The following KHDC1 variants were observed in gnomAD, a reference collection of about 807,000 sequenced individuals.
KHDC1 encodes the protein KH domain containing 1.
Under a neutral mutation model 24.7 loss-of-function variants are expected in KHDC1, and 21 were observed. That is an observed-to-expected ratio of 0.85 (90% CI 0.60 to 1.23). The LOEUF (loss-of-function observed/expected upper bound fraction) is 1.23. KHDC1 is among the 50% of genes most tolerant of loss of function. The pLI, the probability that KHDC1 is intolerant of heterozygous loss-of-function variation, is 0.00. For synonymous variants in KHDC1, 98 were observed against 111.7 expected, an observed-to-expected ratio of 0.88 and a Z score of 0.77; for missense variants, 274 against 298.5, an observed-to-expected ratio of 0.92 and a Z score of 0.61.
intron 2 of KHDC1, among the ~76,000 whole-genome samples, chr6:73,267,478 A>G (rs545546333): frequency 6.6e-5 from 10 of 152,280 alleles, no homozygotes; most frequent in Non-Finnish European, 1.3e-4. Flanking sequence ...GGAAGACTCC[A>G]TCTCAAAAAA....
chr6:73,263,615 G>T (rs990494270), intron 2 of KHDC1, among the ~76,000 whole-genome samples: 5 of 151,118 alleles, frequency 3.3e-5, no homozygotes, highest in East Asian at 2.0e-4. Flanking sequence ...TCGCGGTGGG[G>T]GGGGGGGTGA....
chr6:73,291,372 A>T (rs776855175), intron 2 of KHDC1: 29 of 201,522 alleles, frequency 1.4e-4, no homozygotes, highest in Non-Finnish European at 2.2e-4. Context: ...TGTTTAAGTA[A>T]CATCTGGTAG....
intron 1 of KHDC1, among the ~76,000 whole-genome samples, chr6:73,302,996 G>C (rs1373680662): frequency 6.6e-6 from 1 of 152,200 alleles, no homozygotes; most frequent in Admixed American, 6.5e-5. Flanking sequence ...AGAATTGCTT[G>C]AACCCAAGAG....
At chr6:73,245,951 GT>G (rs1164326877) in intron 2 of KHDC1, among the ~76,000 whole-genome samples, 1 of 152,160 alleles carries the variant, frequency 6.6e-6, no homozygotes, top group Non-Finnish European at 1.5e-5. Context: ...AATGCTACTT[GT>G]TTAGCATAGT....
At chr6:73,272,889 C>T (rs1439351728) in intron 2 of KHDC1, among the ~76,000 whole-genome samples, 41 of 138,746 alleles carry the variant, frequency 3.0e-4, no homozygotes, top group Admixed American at 9.6e-4. Context: ...GATGGAGTCT[C>T]ACTCTGTCAC....
rs1766565872 is a variant in KHDC1 at position 73,241,535 on chromosome 6, A to G, written c.708T>C (p.Tyr236=). 5 of 1,613,912 alleles carry G rather than the reference A, an allele frequency of 3.1e-6. No individual in the cohort carries two copies. The South Asian group carries it at 4.4e-5, about 14-fold the overall frequency. ...AGGGGAGATCAGTCCTTAATTACGG[A>G]TACAGTGAACTCAAATGGAAACCCG... The change falls in exon 5 of 5, where the codon TAT becomes TAC. Residue 236 remains tyrosine, a synonymous_variant. Transcript: ENST00000370384.
At chr6:73,252,849 G>A (rs1326326268) in intron 2 of KHDC1, among the ~76,000 whole-genome samples, 1 of 151,704 alleles carries the variant, frequency 6.6e-6, no homozygotes, top group Non-Finnish European at 1.5e-5. Flanking sequence ...CTCATCAAAT[G>A]CAGTGCAAAA....
chr6:73,304,114 G>A (rs556980586), intron 1 of KHDC1, among the ~76,000 whole-genome samples: 2 of 152,128 alleles, frequency 1.3e-5, no homozygotes, highest in East Asian at 1.9e-4. Flanking sequence ...AGGAGGCGGA[G>A]GTTGCAGTGA....
chr6:73,255,283 G>A (rs1485739021), intron 2 of KHDC1, among the ~76,000 whole-genome samples: 2 of 144,298 alleles, frequency 1.4e-5, no homozygotes, highest in African/African-American at 5.2e-5. Context: ...GCAGTAGTGA[G>A]ACCTTGGCTC....
chr6:73,303,221 A>C (rs886147062), intron 1 of KHDC1, among the ~76,000 whole-genome samples: 1 of 152,122 alleles, frequency 6.6e-6, no homozygotes, highest in Non-Finnish European at 1.5e-5. Context: ...CAGAAGTTGA[A>C]CTCATAGAGA....
rs1294167223 is a variant in KHDC1, at chr6:73,284,940, G to T, written c.206+7058C>A. ...GCTCCCTGCAACCTCTGCCTCCTGG[G>T]TTCAAGCGATTCTCCTGCCTCAGCC... On this transcript the variant is annotated intron_variant, in intron 2 of 4. Transcript: ENST00000370384. Among the ~76,000 whole-genome samples the T allele has an allele frequency of 2.0e-5, 3 of 152,184 alleles. No individual in the cohort carries two copies. The South Asian group carries it at 6.2e-4, about 32-fold the overall frequency.
intron 2 of KHDC1, chr6:73,263,401 C>G: frequency 1.8e-6 from 1 of 550,600 alleles, no homozygotes; most frequent in Non-Finnish European, 2.3e-6. Context: ...CATTGCTGAG[C>G]CAGCGGAGCT....
chr6:73,259,740 T>C (rs1228600199), intron 2 of KHDC1, among the ~76,000 whole-genome samples: 3 of 152,200 alleles, frequency 2.0e-5, no homozygotes, highest in Non-Finnish European at 4.4e-5. Context: ...GTTGAGAGCT[T>C]GACAAGGTTT....
chr6:73,247,695 A>G (rs1766692895), intron 2 of KHDC1, among the ~76,000 whole-genome samples: 1 of 152,070 alleles, frequency 6.6e-6, no homozygotes, highest in African/African-American at 2.4e-5. Context: ...CGTCTCTACT[A>G]AAAATACAAA....
Position 73,268,258 on chromosome 6 carries a change from T to C in KHDC1, c.206+23740A>G, listed in dbSNP as rs7748047. On this transcript the variant is annotated intron_variant, in intron 2 of 4. Transcript: ENST00000370384. ...ACCTTCACGGTGAGTGTGTTACAGC[T>C]CTTAAGGCGGCGCATCTGGAGTTTT... The C allele has an allele frequency of 3.0e-3, 453 of 152,864 alleles. 4 individuals are homozygous for C. The highest frequency in any genetic ancestry group is 0.01 in the African/African-American group (422 of 41,542). 9.5% of individuals were successfully genotyped at this position (152,864 alleles called of 1,614,324 possible).
intron 2 of KHDC1, chr6:73,263,081 C>G: frequency 1.9e-6 from 2 of 1,031,254 alleles, no homozygotes; most frequent in Non-Finnish European, 2.3e-6. Flanking sequence ...GCGGCGGCAG[C>G]GGCTGCAGGC....
intron 1 of KHDC1, chr6:73,293,248 T>A (rs1174693881): frequency 3.0e-6 from 2 of 657,710 alleles, no homozygotes; most frequent in Non-Finnish European, 5.8e-6. Flanking sequence ...GGCTCCTAAC[T>A]GGGCAACTCA....
At chr6:73,299,932 T>C (rs1767836684) in intron 1 of KHDC1, 1 of 152,248 alleles carries the variant, frequency 6.6e-6, no homozygotes. Context: ...ACAGGGGTAG[T>C]TGAGTGAGCA....
At chr6:73,259,186 C>T (rs1423593835) in intron 2 of KHDC1, among the ~76,000 whole-genome samples, 3 of 151,790 alleles carry the variant, frequency 2.0e-5, no homozygotes, top group South Asian at 2.1e-4. Context: ...TTTACTTTCC[C>T]GTGTGGCTAT....
Sources: allele counts gnomAD v4.1 joint callset (sites outside exome capture counted in the v4.1 genomes callset), GRCh38; gene constraint gnomAD v4.1.1; transcripts MANE v1.5; gene names NCBI Gene and HGNC (gene_info 2026-07-23, HGNC 2026-07-21).